The following DCDC1 variants were observed in gnomAD, a reference collection of about 807,000 sequenced individuals.
The protein encoded by DCDC1 is doublecortin domain containing 1, also known as doublecortin domain-containing protein 1.
In DCDC1, 200 loss-of-function variants were observed where a neutral mutation model predicts 178.3. The ratio of observed to expected loss-of-function variants is 1.12; its 90% CI spans 1.00 to 1.26. The LOEUF (loss-of-function observed/expected upper bound fraction) is 1.26. Ranked by LOEUF, DCDC1 falls within the 50% of genes most tolerant of loss-of-function variation. The pLI is 0.00. For missense variants in DCDC1, 1,983 were observed against 1,749.2 expected (o/e 1.13, Z -2.38); for synonymous variants, 690 against 604.8 (o/e 1.14, Z -2.07).
At chr11:31,138,365 G>T (rs949197040) in intron 9 of DCDC1, among the ~76,000 whole-genome samples, 1 of 152,168 alleles carries the variant, frequency 6.6e-6, no homozygotes, top group Non-Finnish European at 1.5e-5. Context: ...ACAAAAAAAT[G>T]AATGTGGCCC....
chr11:31,176,701 AT>A, intron 9 of DCDC1, among the ~76,000 whole-genome samples: 1 of 152,314 alleles, frequency 6.6e-6, no homozygotes, highest in Non-Finnish European at 1.5e-5. Context: ...CTATCAGCAG[AT>A]TTCTCAGCAG....
intron 20 of DCDC1, among the ~76,000 whole-genome samples, chr11:30,992,121 A>G (rs7113971): frequency 0.59 from 89,958 of 152,052 alleles, 27,307 homozygotes; most frequent in African/African-American, 0.71. Context: ...AAAAACATAA[A>G]TAAAATCATA....
chr11:31,254,787 T>A (rs1944302206), intron 8 of DCDC1, among the ~76,000 whole-genome samples: 1 of 152,146 alleles, frequency 6.6e-6, no homozygotes, highest in Non-Finnish European at 1.5e-5. Context: ...CTAAATAATA[T>A]ATGGAGGTGA....
intron 13 of DCDC1, among the ~76,000 whole-genome samples, chr11:31,106,545 G>A (rs980322847): frequency 3.9e-5 from 6 of 152,178 alleles, no homozygotes; most frequent in African/African-American, 1.4e-4. Context: ...AATCCCTCTT[G>A]CTGTGCTGAC....
chr11:31,217,741 G>C (rs1007764692), intron 9 of DCDC1, among the ~76,000 whole-genome samples: 2 of 152,046 alleles, frequency 1.3e-5, no homozygotes, highest in African/African-American at 4.8e-5. Context: ...TATTATAAAT[G>C]ATACAACATT....
At chr11:31,076,595 T>A (rs937332075) in intron 18 of DCDC1, among the ~76,000 whole-genome samples, 2 of 152,108 alleles carry the variant, frequency 1.3e-5, no homozygotes. Context: ...AATCCTGCCT[T>A]GGCTTCCCAA....
At chr11:31,000,778 A>G (rs923803380) in intron 20 of DCDC1, among the ~76,000 whole-genome samples, 1 of 152,090 alleles carries the variant, frequency 6.6e-6, no homozygotes, top group Admixed American at 6.6e-5. Context: ...ATTACTTAGG[A>G]AGAAAACCAA....
At chr11:30,883,772 T>C (rs374204806) in intron 36 of DCDC1, among the ~76,000 whole-genome samples, 1 of 152,210 alleles carries the variant, frequency 6.6e-6, no homozygotes, top group African/African-American at 2.4e-5. Context: ...TCCTCCAGTA[T>C]ACAAAACCTC....
intron 25 of DCDC1, among the ~76,000 whole-genome samples, chr11:30,917,838 G>T (rs958209579): frequency 6.6e-6 from 1 of 152,176 alleles, no homozygotes; most frequent in Non-Finnish European, 1.5e-5. Flanking sequence ...GATCACCAAG[G>T]TGCTTGTCAT....
At chr11:31,016,103 G>A (rs1369397521) in intron 20 of DCDC1, among the ~76,000 whole-genome samples, 1 of 152,186 alleles carries the variant, frequency 6.6e-6, no homozygotes, top group African/African-American at 2.4e-5. Context: ...GAGAGACCTT[G>A]TATTAATCTA....
At chr11:30,875,697 A>G (rs1220003209) in intron 38 of DCDC1, among the ~76,000 whole-genome samples, 1 of 152,086 alleles carries the variant, frequency 6.6e-6, no homozygotes, top group Non-Finnish European at 1.5e-5. Context: ...ATATATTTAT[A>G]TTTATCCTTC....
At chr11:31,203,884 A>G (rs915155476) in intron 9 of DCDC1, among the ~76,000 whole-genome samples, 1 of 152,202 alleles carries the variant, frequency 6.6e-6, no homozygotes, top group African/African-American at 2.4e-5. Context: ...AAAAAATAAA[A>G]TGTATGTCAG....
rs898531866 is a variant in DCDC1 at position 30,865,198 on chromosome 11, G to A, written c.*175C>T. On this transcript the variant is annotated 3_prime_UTR_variant, in exon 39 of 39. Transcript: ENST00000684477. ...CAGATTTTTGAAGGATAAATTTTACGACTAATTTTTTTTAATAAACTATGC... is the reference window on the plus strand; with the variant it reads ...CAGATTTTTGAAGGATAAATTTTACAACTAATTTTTTTTAATAAACTATGC... 2.0e-5 allele frequency: 3 copies of A among 152,028 alleles called. No homozygotes were observed. The highest frequency in any genetic ancestry group is 1.9e-4 in the East Asian group (1 of 5,186). The allele number at this position is 152,028 out of a possible 1,614,324, so 9.4% of individuals were successfully genotyped here. A position where few individuals can be genotyped will look rare whatever the true frequency, so the allele number is the denominator to read the frequency against.
At chr11:31,016,202 G>A (rs987745242) in intron 20 of DCDC1, among the ~76,000 whole-genome samples, 1 of 152,160 alleles carries the variant, frequency 6.6e-6, no homozygotes, top group Non-Finnish European at 1.5e-5. Context: ...ATGAGATAAT[G>A]TGTGCATGGC....
At chr11:31,070,385 G>A (rs944895375) in intron 18 of DCDC1, among the ~76,000 whole-genome samples, 20 of 151,974 alleles carry the variant, frequency 1.3e-4, no homozygotes, top group Non-Finnish European at 2.9e-4. Context: ...AATATCTTAA[G>A]CCCTCATTAT....
At chr11:31,003,799 A>G (rs1214184015) in intron 20 of DCDC1, among the ~76,000 whole-genome samples, 6 of 152,244 alleles carry the variant, frequency 3.9e-5, no homozygotes, top group African/African-American at 1.4e-4. Context: ...TTAAACAGGG[A>G]GGGACAGGAT....
chr11:31,209,305 G>A (rs963022691), intron 9 of DCDC1, among the ~76,000 whole-genome samples: 2 of 152,196 alleles, frequency 1.3e-5, no homozygotes, highest in African/African-American at 4.8e-5. Context: ...AACATACCTG[G>A]CAAAGGCAGG....
intron 10 of DCDC1, 84 bp downstream of exon 10, chr11:31,137,608 A>G (rs1190618991): frequency 6.4e-6 from 4 of 626,166 alleles, no homozygotes; most frequent in African/African-American, 5.5e-5. Flanking sequence ...TCGGCCTCCC[A>G]AAGTGCGGGG....
chr11:31,235,058 A>AT (rs1163110244), intron 9 of DCDC1, among the ~76,000 whole-genome samples: 1 of 152,154 alleles, frequency 6.6e-6, no homozygotes, highest in Non-Finnish European at 1.5e-5. Context: ...TCTACCCAAT[A>AT]TGATTAGAAA....
Sources: gnomAD v4.1 joint callset for allele counts (sites outside exome capture counted in the v4.1 genomes callset) on GRCh38, gnomAD v4.1.1 for gene constraint, MANE v1.5 for transcripts, NCBI Gene and HGNC (gene_info 2026-07-23, HGNC 2026-07-21) for gene names.